The following KRT7 variants were observed in gnomAD, a reference collection of about 807,000 sequenced individuals.
KRT7 encodes the protein keratin 7.
In KRT7, 50 loss-of-function variants were observed where a neutral mutation model predicts 42.8. The ratio of observed to expected loss-of-function variants is 1.17; its 90% CI spans 0.93 to 1.48. The LOEUF is 1.48. Among genes scored for constraint, KRT7 ranks in the 40% most tolerant of loss-of-function variants. The pLI is 0.00. For synonymous variants in KRT7, 268 were observed against 266.3 expected (o/e 1.01, Z -0.06); for missense variants, 588 against 637.6 (o/e 0.92, Z 0.84).
chr12:52,237,358 T>G, intron 2 of KRT7, 151 bp from the exon 3 acceptor site: 2 of 514,200 alleles, frequency 3.9e-6, no homozygotes, highest in Non-Finnish European at 7.0e-6. Context: ...GTCAGGGAAA[T>G]TTGGTTTTGT....
intron 8 of KRT7, 149 bp downstream of exon 8, chr12:52,248,360 C>A: frequency 1.1e-6 from 1 of 946,422 alleles, no homozygotes. Context: ...CCCTGGAGCA[C>A]ATACTGCCAG....
chr12:52,244,645 A>T (rs1480078515), intron 6 of KRT7: 1 of 985,808 alleles, frequency 1.0e-6, no homozygotes, highest in Non-Finnish European at 1.2e-6. Flanking sequence ...CCCAGGGGAC[A>T]GGGATGGTGG....
chr12:52,252,425 G>A, downstream of KRT7: 1 of 1,614,158 alleles, frequency 6.2e-7, no homozygotes, highest in Non-Finnish European at 8.5e-7. Flanking sequence ...GGGCATCACT[G>A]AGGGCCGCCT....
In KRT7 at chr12:52,248,825, C is replaced by A; in HGVS notation, c.*65C>A. The A allele has an allele frequency of 7.1e-7, 1 of 1,416,390 alleles. No homozygotes were observed. The highest frequency in any genetic ancestry group is 9.4e-7 in the Non-Finnish European group (1 of 1,067,886). The allele number at this position is 1,416,390 out of a possible 1,614,324, so 87.7% of individuals were successfully genotyped here. ...AATCACAAGAAGATTCCCACCCCTG[C>A]CTCCCATGCCTGGTCCCAAGACAGT... On this transcript the variant is annotated 3_prime_UTR_variant, in exon 9 of 9. Coordinates refer to ENST00000331817, the MANE Select transcript of KRT7 (RefSeq NM_005556.4).
intron 2 of KRT7, among the ~76,000 whole-genome samples, chr12:52,236,032 T>C (rs184940009): frequency 5.3e-4 from 81 of 152,154 alleles, no homozygotes; most frequent in African/African-American, 1.9e-3. Context: ...TCTTTTCTCA[T>C]TGAATAGAAA....
Position 52,241,457 on chromosome 12 carries a change from G to A in KRT7, c.694-15G>A, listed in dbSNP as rs2078201. The A allele has an allele frequency of 0.21, 328,213 of 1,596,494 alleles. 34,862 individuals are homozygous for A. The highest frequency in any genetic ancestry group is 0.27 in the Middle Eastern group (1,634 of 5,962). ...ATCCTGCCCTAAGTCCTGATGTCCC[G>A]TCTGGTCCCTACAGGAGTTGACAGA... On this transcript the variant is annotated splice_polypyrimidine_tract_variant and intron_variant, in intron 4 of 8. Transcript: ENST00000331817.
At chr12:52,253,414 G>T (rs1211235915), downstream of KRT7, 1 of 1,582,182 alleles carries the variant, frequency 6.3e-7, no homozygotes. Flanking sequence ...TGATTGTGCA[G>T]GTTGTGCAGT....
At chr12:52,248,493 GA>G (rs1212776434) in intron 8 of KRT7, 97 bp from the exon 9 acceptor site, 12 of 1,281,672 alleles carry the variant, frequency 9.4e-6, no homozygotes, top group Admixed American at 4.4e-5. Context: ...GGGTGAGGGA[GA>G]GGGGCAGCTG....
downstream of KRT7, chr12:52,248,953 G>T: frequency 2.0e-6 from 1 of 491,720 alleles, no homozygotes; most frequent in Non-Finnish European, 3.4e-6. Context: ...ATGAGGCTGG[G>T]CAGGGGAAAA....
chr12:52,254,700 C>T (rs982947412), downstream of KRT7, among the ~76,000 whole-genome samples: 1 of 152,168 alleles, frequency 6.6e-6, no homozygotes, highest in Non-Finnish European at 1.5e-5. Context: ...ATGCCCCACC[C>T]CTCTCCGCTC....
chr12:52,235,190 G>A lies in KRT7; in HGVS notation c.360G>A (p.Glu120=). Residue 120 remains glutamate, a synonymous_variant, in exon 2 of 9, where the codon GAG becomes GAA. Coordinates refer to ENST00000331817, the MANE Select transcript of KRT7 (RefSeq NM_005556.4). ...TGGAGCAGCAGAACAAGCTGCTGGA[G>A]ACCAAGTGGACGCTGCTGCAGGAGC... is the stretch of plus-strand genomic sequence containing the variant. The part of the protein sequence containing the change: ...RFLEQQNKLL[E]TKWTLLQEQK... 6.2e-7 allele frequency: 1 copy of A among 1,614,170 alleles called. No homozygotes were observed. The highest frequency in any genetic ancestry group is 1.1e-5 in the South Asian group (1 of 91,082).
Position 52,243,029 on chromosome 12 carries a change from C to T in KRT7, c.876C>T (p.Ala292=), listed in dbSNP as rs765989608. The T allele has an allele frequency of 8.7e-6, 14 of 1,613,358 alleles. No homozygotes were observed. Among genetic ancestry groups the T allele is most frequent in the Non-Finnish European group, 1.1e-5 (13 of 1,179,668 alleles). ...CCCTCCAGTTTGAGACCCTCCAGGC[C>T]CAGGCTGGGAAGCATGGGGACGACC... ...WYQTKFETLQ[A]QAGKHGDDLR... is the part of the protein sequence containing the mutation. Residue 292 remains alanine (A), a synonymous_variant, in exon 6 of 9, where the codon GCC becomes GCT. Coordinates refer to ENST00000331817, the MANE Select transcript of KRT7 (RefSeq NM_005556.4).
downstream of KRT7, chr12:52,250,618 C>A (rs1592399693): frequency 3.0e-6 from 3 of 990,314 alleles, no homozygotes; most frequent in South Asian, 4.1e-5. Flanking sequence ...CCGCATAAGA[C>A]CCCGCCGCGA....
At chr12:52,252,500 T>G, downstream of KRT7, 1 of 1,611,444 alleles carries the variant, frequency 6.2e-7, no homozygotes, top group Non-Finnish European at 8.5e-7. Context: ...CAAGGGAGGG[T>G]TATTAAGGAT....
At chr12:52,245,842 G>A in intron 7 of KRT7, 1 of 636,352 alleles carries the variant, frequency 1.6e-6, no homozygotes. Flanking sequence ...GAAGCTCAGT[G>A]GGCAGGTTGA....
Position 52,245,675 on chromosome 12 carries a change from G to T in KRT7, c.1205+43G>T, listed in dbSNP as rs200404492. On this transcript the variant is annotated intron_variant, in intron 7 of 8. Transcript: ENST00000331817. Reference sequence around the variant, plus strand: ...GGAAAGGGGATGCTTCTAGGGCTCCGTGGGGTTTGGGGCTTGACATTCATC... The same window carrying T: ...GGAAAGGGGATGCTTCTAGGGCTCCTTGGGGTTTGGGGCTTGACATTCATC... The T allele has an allele frequency of 2.5e-5, 41 of 1,609,252 alleles. 1 individual carries two copies. In the African/African-American group the frequency reaches 4.8e-4, roughly 19 times the overall value.
At position 52,246,985 on chromosome 12, in the gene KRT7, C is replaced by T. The variant is rs1386389923; in HGVS notation, c.1206-1192C>T. Among the ~76,000 whole-genome samples, 12 of 152,156 alleles carry T rather than the reference C, an allele frequency of 7.9e-5. No homozygotes were observed. In the South Asian group the frequency reaches 8.3e-4, roughly 11 times the overall value. ...AGACATCCTCTTCTGAAAGCTTAAT[C>T]TCAGTCTGAGCTGCTGTAACCAGGC... is the stretch of plus-strand genomic sequence containing the variant. On this transcript the variant is annotated intron_variant, in intron 7 of 8. Transcript: ENST00000331817.
At chr12:52,237,727 TG>T in intron 3 of KRT7, 158 bp downstream of exon 3, 3 of 100,024 alleles carry the variant, frequency 3.0e-5, no homozygotes, top group African/African-American at 4.2e-4. Context: ...GGTGCGTGTA[TG>T]TGTGTGTGTG....
At chr12:52,237,725 TA>T in intron 3 of KRT7, 156 bp downstream of exon 3, 14 of 525,142 alleles carry the variant, frequency 2.7e-5, no homozygotes, top group Non-Finnish European at 3.6e-5. Flanking sequence ...TGGGTGCGTG[TA>T]TGTGTGTGTG....
Sources: gnomAD v4.1 joint callset for allele counts (sites outside exome capture counted in the v4.1 genomes callset) on GRCh38, gnomAD v4.1.1 for gene constraint, MANE v1.5 for transcripts, NCBI Gene and HGNC (gene_info 2026-07-23, HGNC 2026-07-21) for gene names.